Variants in ATG10 observed in about 807,000 individuals in gnomAD.
ATG10 encodes the protein autophagy related 10, also known as ubiquitin-like-conjugating enzyme ATG10.
Under a neutral mutation model 32.1 loss-of-function variants are expected in ATG10, and 30 were observed. That is an observed-to-expected ratio of 0.94 (90% CI 0.70 to 1.27). ATG10 has a LOEUF of 1.27. ATG10 is among the 50% of genes most tolerant of loss of function. The pLI is 0.00. For missense variants in ATG10, 233 were observed against 262.3 expected (o/e 0.89, Z 0.77); for synonymous variants, 87 against 91.5 (o/e 0.95, Z 0.28).
chr5:82,066,392 C>T (rs1219835833), intron 3 of ATG10, among the ~76,000 whole-genome samples: 1 of 152,056 alleles, frequency 6.6e-6, no homozygotes. Context: ...TTTTATTTAT[C>T]CATTTACTAT....
At chr5:82,160,216 G>A (rs948400779) in intron 3 of ATG10, among the ~76,000 whole-genome samples, 2 of 152,026 alleles carry the variant, frequency 1.3e-5, no homozygotes, top group Non-Finnish European at 2.9e-5. Context: ...ACTAATCTGC[G>A]GTTTTTGACT....
At chr5:82,051,362 C>T (rs1763418935) in intron 2 of ATG10, among the ~76,000 whole-genome samples, 1 of 152,118 alleles carries the variant, frequency 6.6e-6, no homozygotes, top group Non-Finnish European at 1.5e-5. Flanking sequence ...GCCCTTTCCC[C>T]CAAGAAGTTC....
chr5:82,123,440 AAAT>A (rs1766127105), intron 3 of ATG10, among the ~76,000 whole-genome samples: 1 of 152,202 alleles, frequency 6.6e-6, no homozygotes, highest in African/African-American at 2.4e-5. Flanking sequence ...ATGAGTGATG[AAAT>A]AATCTGTTCA....
chr5:82,026,167 A>G (rs754087449), intron 2 of ATG10, among the ~76,000 whole-genome samples: 8 of 152,152 alleles, frequency 5.3e-5, no homozygotes, highest in Non-Finnish European at 1.0e-4. Flanking sequence ...GCCCCTGGCA[A>G]CCACCATTCT....
At chr5:82,225,081 G>C (rs527242634) in intron 5 of ATG10, among the ~76,000 whole-genome samples, 1 of 152,304 alleles carries the variant, frequency 6.6e-6, no homozygotes, top group South Asian at 2.1e-4. Context: ...CTGTTCTGCA[G>C]GTATTTAGTT....
intron 2 of ATG10, among the ~76,000 whole-genome samples, chr5:82,046,688 T>C (rs1424005941): frequency 3.9e-5 from 6 of 152,190 alleles, no homozygotes; most frequent in African/African-American, 1.4e-4. Context: ...TCAGGTATCC[T>C]TCATTTCACT....
intron 2 of ATG10, among the ~76,000 whole-genome samples, chr5:82,044,115 C>G (rs757704188): frequency 7.2e-5 from 11 of 152,048 alleles, no homozygotes; most frequent in Admixed American, 2.6e-4. Context: ...AATTGACTCA[C>G]AGTTTGCAGG....
At position 82,128,622 on chromosome 5, in the gene ATG10, C is replaced by G. The variant is rs1766380292; in HGVS notation, c.217-35777C>G. On this transcript the variant is annotated intron_variant, in intron 3 of 7. Transcript: ENST00000282185. ...AGAATGTTGAATATTGGCCCCCACT[C>G]TCTTCTGGCTTGTAGGGTTTCTGCA... Among the ~76,000 whole-genome samples, 7 of 150,126 alleles carry G rather than the reference C, an allele frequency of 4.7e-5. No individual in the cohort carries two copies. In the South Asian group the frequency reaches 1.3e-3, roughly 27 times the overall value.
chr5:82,124,032 T>C (rs1437951611), intron 3 of ATG10, among the ~76,000 whole-genome samples: 1 of 151,636 alleles, frequency 6.6e-6, no homozygotes, highest in Non-Finnish European at 1.5e-5. Flanking sequence ...GAGTTAAAAA[T>C]GGGCTATCTA....
chr5:82,144,615 T>C (rs895401062), intron 3 of ATG10, among the ~76,000 whole-genome samples: 1 of 151,946 alleles, frequency 6.6e-6, no homozygotes, highest in African/African-American at 2.4e-5. Context: ...ATTTAGGGTT[T>C]TTCTAAATAT....
chr5:82,252,223 C>T (rs1747280706), intron 5 of ATG10, among the ~76,000 whole-genome samples: 1 of 152,100 alleles, frequency 6.6e-6, no homozygotes, highest in Admixed American at 6.5e-5. Flanking sequence ...TTGTGAACAT[C>T]CTTGAAGAAA....
In ATG10 at chr5:82,255,698, A is replaced by C. The variant is rs1581856023; in HGVS notation, c.*1635A>C. The C allele has an allele frequency of 6.6e-6, 1 of 152,232 alleles. No homozygotes were observed. The highest frequency in any genetic ancestry group is 1.9e-4 in the East Asian group (1 of 5,166). 9.4% of individuals were successfully genotyped at this position (152,232 alleles called of 1,614,324 possible). On this transcript the variant is annotated 3_prime_UTR_variant, in exon 8 of 8. Transcript: ENST00000282185. ...TCCATACAAGCTGAACTTGCTTCCT[A>C]ATGTTTGTCTAGGCCTTACATGGAT... is the stretch of plus-strand genomic sequence containing the variant.
chr5:82,149,179 T>C (rs1433357703), intron 3 of ATG10, among the ~76,000 whole-genome samples: 1 of 151,944 alleles, frequency 6.6e-6, no homozygotes, highest in Non-Finnish European at 1.5e-5. Context: ...TAAGCTTGCT[T>C]ATCATATTGG....
At chr5:82,063,126 C>T (rs1763835052) in intron 3 of ATG10, among the ~76,000 whole-genome samples, 1 of 152,012 alleles carries the variant, frequency 6.6e-6, no homozygotes, top group South Asian at 2.1e-4. Context: ...TGAGATCAGC[C>T]TGGACAGTAT....
chr5:82,008,963 G>A (rs1020278285), intron 2 of ATG10, among the ~76,000 whole-genome samples: 8 of 152,144 alleles, frequency 5.3e-5, no homozygotes, highest in African/African-American at 1.9e-4. Flanking sequence ...CAGCATGATA[G>A]CTCATTTTTG....
intron 2 of ATG10, among the ~76,000 whole-genome samples, chr5:82,000,742 G>A (rs190667856): frequency 3.3e-5 from 5 of 152,062 alleles, no homozygotes; most frequent in African/African-American, 7.2e-5. Context: ...CTGCAACCCC[G>A]TCCTCCCAGG....
At chr5:82,158,372 G>T in intron 3 of ATG10, among the ~76,000 whole-genome samples, 1 of 145,360 alleles carries the variant, frequency 6.9e-6, no homozygotes, top group African/African-American at 2.6e-5. Flanking sequence ...CATCTCTGTG[G>T]GTTCCGTATC....
At chr5:81,976,933 TAG>T (rs764935371) in intron 1 of ATG10, among the ~76,000 whole-genome samples, 1 of 152,192 alleles carries the variant, frequency 6.6e-6, no homozygotes, top group Non-Finnish European at 1.5e-5. Context: ...TGGAGGGCAG[TAG>T]TGCAGTTATG....
At chr5:81,979,100 A>G (rs768904546) in intron 1 of ATG10, among the ~76,000 whole-genome samples, 2 of 152,026 alleles carry the variant, frequency 1.3e-5, no homozygotes, top group African/African-American at 4.8e-5. Flanking sequence ...GGATTTTGCC[A>G]TGTTTGCCAG....
Sources: allele counts gnomAD v4.1 joint callset (sites outside exome capture counted in the v4.1 genomes callset), GRCh38; gene constraint gnomAD v4.1.1; transcripts MANE v1.5; gene names NCBI Gene and HGNC (gene_info 2026-07-23, HGNC 2026-07-21).